Variants in CAPZA2 observed in about 807,000 individuals in gnomAD.
CAPZA2 encodes F-actin-capping protein subunit alpha-2.
In CAPZA2, 13 loss-of-function variants were observed where a neutral mutation model predicts 44.0. The observed-to-expected ratio is 0.30, with a 90% CI of 0.19 to 0.47. The LOEUF (loss-of-function observed/expected upper bound fraction) is 0.47, where lower values mean the gene tolerates loss of function less well. Ranked by LOEUF, CAPZA2 falls within the 20% of genes least tolerant of loss-of-function variation. The pLI is 1.00. For missense variants in CAPZA2, 244 were observed against 338.6 expected, an observed-to-expected ratio of 0.72 and a Z score of 2.19; for synonymous variants, 94 against 108.2, an observed-to-expected ratio of 0.87 and a Z score of 0.81.
intron 2 of CAPZA2, among the ~76,000 whole-genome samples, chr7:116,889,442 C>G (rs557113190): frequency 6.6e-6 from 1 of 151,404 alleles, no homozygotes; most frequent in Non-Finnish European, 1.5e-5. Flanking sequence ...AGATATAGGA[C>G]TGGGCACTGT....
At chr7:116,895,657 A>G (rs1199529416) in intron 3 of CAPZA2, among the ~76,000 whole-genome samples, 1 of 151,544 alleles carries the variant, frequency 6.6e-6, no homozygotes, top group Non-Finnish European at 1.5e-5. Context: ...AATCTCAGTG[A>G]ATGTTTGCTT....
intron 3 of CAPZA2, among the ~76,000 whole-genome samples, chr7:116,893,487 G>A (rs530303428): frequency 2.6e-5 from 4 of 152,310 alleles, no homozygotes; most frequent in Admixed American, 2.0e-4. Flanking sequence ...AAGTTCAAAT[G>A]TGTATGATTT....
Position 116,862,661 on chromosome 7 carries a change from C to G in CAPZA2, c.39+11C>G. 3.3e-6 allele frequency: 5 copies of G among 1,537,892 alleles called. No homozygotes were observed. Among genetic ancestry groups the G allele is most frequent in the Non-Finnish European group, 4.4e-6 (5 of 1,141,058 alleles). The stretch of plus-strand genomic sequence containing the variant: ...TCTGATGAAGAGAAGGTAAGAGTCG[C>G]GGGGGCGACGGCGCGGGCTGTCAGG... On this transcript the variant is annotated intron_variant, in intron 1 of 9. Transcript: ENST00000361183.
At chr7:116,871,703 T>C (rs1796556119) in intron 1 of CAPZA2, among the ~76,000 whole-genome samples, 1 of 152,238 alleles carries the variant, frequency 6.6e-6, no homozygotes, top group African/African-American at 2.4e-5. Context: ...TTTCTTCTCT[T>C]CTTTTGTATC....
chr7:116,874,609 T>G (rs1418664250), intron 1 of CAPZA2: 1 of 152,230 alleles, frequency 6.6e-6, no homozygotes, highest in Non-Finnish European at 1.5e-5. Flanking sequence ...TTCACTGCAG[T>G]CAGAGACACT....
At chr7:116,865,792 G>C (rs542707107) in intron 1 of CAPZA2, among the ~76,000 whole-genome samples, 2 of 152,270 alleles carry the variant, frequency 1.3e-5, no homozygotes, top group East Asian at 3.9e-4. Context: ...ATGTTGTCCA[G>C]GGTGGTCTCA....
At chr7:116,913,491 T>G (rs1435114525) in intron 8 of CAPZA2, among the ~76,000 whole-genome samples, 1 of 152,210 alleles carries the variant, frequency 6.6e-6, no homozygotes, top group Non-Finnish European at 1.5e-5. Context: ...ATGAAGTTTT[T>G]TTTTTAAGTT....
intron 1 of CAPZA2, among the ~76,000 whole-genome samples, chr7:116,882,762 A>G (rs530090769): frequency 5.8e-4 from 88 of 152,204 alleles, no homozygotes; most frequent in Non-Finnish European, 1.0e-3. Context: ...ATACCACATA[A>G]TATTTGGAAT....
Position 116,919,408 on chromosome 7 carries a change from A to G in CAPZA2, c.*1541A>G, listed in dbSNP as rs1791732648. On this transcript the variant is annotated 3_prime_UTR_variant, in exon 10 of 10. Coordinates refer to ENST00000361183, the MANE Select transcript of CAPZA2 (RefSeq NM_006136.3). ...GTTTGATGATGGTGAACTAAATACTAGATCTAATTGACAAGCTTAGTTGTA... is the reference window on the plus strand; with the variant it reads ...GTTTGATGATGGTGAACTAAATACTGGATCTAATTGACAAGCTTAGTTGTA... 6.6e-6 allele frequency: 1 copy of G among 152,292 alleles called. No homozygotes were observed. The allele number at this position is 152,292 out of a possible 1,614,324, so 9.4% of individuals were successfully genotyped here. A position where few individuals can be genotyped will look rare whatever the true frequency, so the allele number is the denominator to read the frequency against.
In CAPZA2 at chr7:116,921,817, T is replaced by C. The variant is rs1791773857; in HGVS notation, c.*3950T>C. On this transcript the variant is annotated 3_prime_UTR_variant, in exon 10 of 10. Coordinates refer to ENST00000361183, the MANE Select transcript of CAPZA2 (RefSeq NM_006136.3). The stretch of plus-strand genomic sequence containing the variant: ...TGGCTGAGGGGAGAGAGGAGAGGAC[T>C]TAAGCAACTGTGCCACTCAGCATTG... 1 of 152,150 alleles carries C rather than the reference T, an allele frequency of 6.6e-6. No homozygotes were observed. The highest frequency in any genetic ancestry group is 1.5e-5 in the Non-Finnish European group (1 of 68,040). The allele number at this position is 152,150 out of a possible 1,614,324, so 9.4% of individuals were successfully genotyped here. A position where few individuals can be genotyped will look rare whatever the true frequency, so the allele number is the denominator to read the frequency against.
chr7:116,915,314 A>C (rs961111262), intron 8 of CAPZA2: 4 of 151,972 alleles, frequency 2.6e-5, no homozygotes, highest in African/African-American at 7.3e-5. Flanking sequence ...AAAAAAAAAA[A>C]CAGATGCTTC....
At chr7:116,887,098 T>G (rs548382529) in intron 1 of CAPZA2, among the ~76,000 whole-genome samples, 26 of 152,272 alleles carry the variant, frequency 1.7e-4, no homozygotes, top group Non-Finnish European at 2.9e-4. Context: ...TTTTACTAAT[T>G]TGTGAGTTTT....
At chr7:116,866,348 T>A (rs1394119119) in intron 1 of CAPZA2, among the ~76,000 whole-genome samples, 1 of 152,186 alleles carries the variant, frequency 6.6e-6, no homozygotes. Context: ...ATTTTTTGTA[T>A]TTTTAGTAGA....
intron 2 of CAPZA2, 179 bp downstream of exon 2, chr7:116,888,369 A>G: frequency 2.2e-6 from 1 of 447,730 alleles, no homozygotes; most frequent in Non-Finnish European, 3.9e-6. Context: ...TTATTTATAT[A>G]TGATGATTCT....
In CAPZA2 at chr7:116,921,840, T is replaced by C. The variant is rs533515802; in HGVS notation, c.*3973T>C. ...ACTTAAGCAACTGTGCCACTCAGCA[T>C]TGGAAAGGTCACCTCTGTGACATTA... On this transcript the variant is annotated 3_prime_UTR_variant, in exon 10 of 10. Coordinates refer to ENST00000361183, the MANE Select transcript of CAPZA2 (RefSeq NM_006136.3). 1 of 152,312 alleles carries C rather than the reference T, an allele frequency of 6.6e-6. No homozygotes were observed. The highest frequency in any genetic ancestry group is 2.4e-5 in the African/African-American group (1 of 41,570). 9.4% of individuals were successfully genotyped at this position (152,312 alleles called of 1,614,324 possible).
intron 4 of CAPZA2, among the ~76,000 whole-genome samples, chr7:116,901,881 A>ATATGTGTGTGTGTGTGTGTG (rs375500363): frequency 1.8e-4 from 25 of 140,898 alleles, no homozygotes; most frequent in African/African-American, 5.5e-4. Flanking sequence ...TAACGAAGAA[A>ATATGTGTGTGTGTGTGTGTG]TGTGTGTGTG....
rs10717939 is a variant in CAPZA2 at position 116,913,769 on chromosome 7, A to AT, written c.657+1654dup. ...AGGCACGTGCCACCACACCCAGCTA[A>AT]TTTTTTTTTTTTTTTTTTTTTTTTT... On this transcript the variant is annotated intron_variant, in intron 8 of 9. Coordinates refer to ENST00000361183, the MANE Select transcript of CAPZA2 (RefSeq NM_006136.3). Among the ~76,000 whole-genome samples, 538 of 87,680 alleles carry AT rather than the reference A, an allele frequency of 6.1e-3. 4 individuals carry two copies. Among genetic ancestry groups the AT allele is most frequent in the East Asian group, 0.025 (74 of 2,956 alleles). The allele number at this position is 87,680 out of a possible 152,430, so 57.5% of individuals were successfully genotyped here.
intron 7 of CAPZA2, among the ~76,000 whole-genome samples, chr7:116,911,261 T>C (rs1290325202): frequency 6.6e-6 from 1 of 152,206 alleles, no homozygotes; most frequent in Non-Finnish European, 1.5e-5. Flanking sequence ...ACCATATGAT[T>C]GTTATTTTGT....
At chr7:116,880,696 CTTTTTTTTTTTTTTTTTTTTTTTT>C (rs557434747) in intron 1 of CAPZA2, among the ~76,000 whole-genome samples, 7 of 24,686 alleles carry the variant, frequency 2.8e-4, no homozygotes, top group Non-Finnish European at 5.6e-4. Flanking sequence ...TGTAACCTGC[CTTTTTTTTTTTTTTTTTTTTTTTT>C]TTTTTTTTTT....
Sources: gnomAD v4.1 joint callset for allele counts (sites outside exome capture counted in the v4.1 genomes callset) on GRCh38, gnomAD v4.1.1 for gene constraint, MANE v1.5 for transcripts, NCBI Gene and HGNC (gene_info 2026-07-23, HGNC 2026-07-21) for gene names.